SLC1A2: variants seen among roughly 807,000 people sequenced by gnomAD.
SLC1A2 encodes the protein excitatory amino acid transporter 2.
In SLC1A2, 15 loss-of-function variants were observed where a neutral mutation model predicts 48.8. The ratio of observed to expected loss-of-function variants is 0.31; its 90% confidence interval spans 0.21 to 0.47. The LOEUF is 0.47. SLC1A2 is among the 20% of genes least tolerant of loss of function. The pLI is 0.99. For synonymous variants in SLC1A2, 279 were observed against 272.6 expected, an observed-to-expected ratio of 1.02 and a Z score of -0.23; for missense variants, 502 against 730.5, an observed-to-expected ratio of 0.69 and a Z score of 3.61.
At chr11:35,419,756 C>G (rs1035502060), upstream of SLC1A2, 1 of 280,394 alleles carries the variant, frequency 3.6e-6, no homozygotes, top group Non-Finnish European at 7.7e-6. The surrounding 1 kb of genome is among the most constrained non-coding windows in gnomAD (Gnocchi z 5.4). Context: ...ATTGTTTCCC[C>G]TGAAGCCCGC....
intron 1 of SLC1A2, among the ~76,000 whole-genome samples, chr11:35,410,250 A>C (rs543190673): frequency 6.6e-6 from 1 of 152,358 alleles, no homozygotes; most frequent in South Asian, 2.1e-4. Flanking sequence ...TAATGTATCC[A>C]TTATTTTACA....
chr11:35,275,540 G>T (rs1488212331), intron 9 of SLC1A2, among the ~76,000 whole-genome samples: 3 of 152,158 alleles, frequency 2.0e-5, no homozygotes, highest in Non-Finnish European at 2.9e-5. Flanking sequence ...CCCATCCAGT[G>T]CTCTGGGACT....
At chr11:35,340,881 GC>G (rs1852814604) in intron 1 of SLC1A2, among the ~76,000 whole-genome samples, 1 of 152,134 alleles carries the variant, frequency 6.6e-6, no homozygotes. Flanking sequence ...CCCCCAGTGT[GC>G]CCCCTGGGAT....
chr11:35,303,457 G>A (rs72638197), intron 5 of SLC1A2, among the ~76,000 whole-genome samples: 32,887 of 152,082 alleles, frequency 0.22, 3,913 homozygotes, highest in Admixed American at 0.28. Context: ...CAGGACAGAG[G>A]GAACTAGTTC....
intron 8 of SLC1A2, 42 bp downstream of exon 8, chr11:35,286,715 A>C (rs1850832932): frequency 6.8e-7 from 1 of 1,468,572 alleles, no homozygotes; most frequent in African/African-American, 1.4e-5. Context: ...TGGAGGGGAA[A>C]CAGGGTAGAG....
intron 4 of SLC1A2, among the ~76,000 whole-genome samples, chr11:35,308,670 G>T (rs1851590000): frequency 6.6e-6 from 1 of 152,056 alleles, no homozygotes; most frequent in Non-Finnish European, 1.5e-5. Context: ...AGACCTCATG[G>T]CCTAATCACC....
rs539020938 is a variant in SLC1A2 at position 35,289,312 on chromosome 11, T to C, written c.1092-2361A>G. On this transcript the variant is annotated intron_variant, in intron 7 of 10. Coordinates refer to ENST00000278379, the MANE Select transcript of SLC1A2 (RefSeq NM_004171.4). ...TCCCTGGGTTTTACATTTTTTTTTT[T>C]CTTCTCTGTGACCATGATGGCAAAG... 7.9e-5 allele frequency among the ~76,000 whole-genome samples: 12 copies of C among 152,054 alleles called. 1 individual carries two copies. In the South Asian group the frequency reaches 2.5e-3, roughly 32 times the overall value.
intron 7 of SLC1A2, among the ~76,000 whole-genome samples, chr11:35,288,413 T>C (rs1221446129): frequency 1.3e-5 from 2 of 152,198 alleles, no homozygotes; most frequent in Non-Finnish European, 2.9e-5. Flanking sequence ...ATGCAGGGGA[T>C]GGCATCAGAC....
In SLC1A2 at chr11:35,380,700, T is replaced by C. The variant is rs772428477; in HGVS notation, c.17+38250A>G. On this transcript the variant is annotated intron_variant, in intron 1 of 10. Coordinates refer to ENST00000278379, the MANE Select transcript of SLC1A2 (RefSeq NM_004171.4). Reference sequence around the variant, plus strand: ...TAAAAGGGCTGCGTGAGTTGCTGATTCTCCCTATAGTGACAGCGCTAAGGC... The same window carrying C: ...TAAAAGGGCTGCGTGAGTTGCTGATCCTCCCTATAGTGACAGCGCTAAGGC... Among the ~76,000 whole-genome samples, 22 of 152,360 alleles carry C rather than the reference T, an allele frequency of 1.4e-4. 1 individual carries two copies. The highest frequency in any genetic ancestry group is 3.4e-3 in the Middle Eastern group (1 of 294).
chr11:35,366,245 A>G (rs1208785291), intron 1 of SLC1A2, among the ~76,000 whole-genome samples: 2 of 152,226 alleles, frequency 1.3e-5, no homozygotes, highest in African/African-American at 4.8e-5. Context: ...TTGGATAAAG[A>G]AATGTGAGCA....
At chr11:35,399,923 C>T (rs542493256) in intron 1 of SLC1A2, among the ~76,000 whole-genome samples, 24 of 152,292 alleles carry the variant, frequency 1.6e-4, no homozygotes, top group African/African-American at 5.5e-4. Context: ...AAAAAGCTCA[C>T]CAAATACAGA....
chr11:35,309,158 T>C (rs957282026), intron 4 of SLC1A2, among the ~76,000 whole-genome samples: 1 of 152,190 alleles, frequency 6.6e-6, no homozygotes, highest in Non-Finnish European at 1.5e-5. Flanking sequence ...CAGCCTATCA[T>C]CCTGCCTCTA....
chr11:35,281,234 G>A (rs1850624504), intron 8 of SLC1A2, among the ~76,000 whole-genome samples: 4 of 152,134 alleles, frequency 2.6e-5, no homozygotes, highest in Admixed American at 2.0e-4. Flanking sequence ...TCATGGACTG[G>A]AGCCTTATTC....
At chr11:35,354,387 G>C (rs970940434) in intron 1 of SLC1A2, among the ~76,000 whole-genome samples, 2 of 152,124 alleles carry the variant, frequency 1.3e-5, no homozygotes, top group Non-Finnish European at 2.9e-5. Context: ...TTGAAGCCTA[G>C]GAGTTCCAGG....
intron 6 of SLC1A2, among the ~76,000 whole-genome samples, chr11:35,297,050 G>A (rs1851197664): frequency 6.6e-6 from 1 of 152,046 alleles, no homozygotes; most frequent in Admixed American, 6.6e-5. Context: ...AAAAATGGAT[G>A]GATTGACAAA....
At chr11:35,314,260 G>T (rs1327181107) in intron 3 of SLC1A2, among the ~76,000 whole-genome samples, 1 of 152,134 alleles carries the variant, frequency 6.6e-6, no homozygotes, top group Non-Finnish European at 1.5e-5. Flanking sequence ...GAGTAACTTT[G>T]TTCTGAAAAA....
At chr11:35,382,786 A>G (rs1026911273) in intron 1 of SLC1A2, among the ~76,000 whole-genome samples, 1 of 149,804 alleles carries the variant, frequency 6.7e-6, no homozygotes, top group Non-Finnish European at 1.5e-5. Flanking sequence ...ACAGAGCGAG[A>G]CTCAGTCTCA....
chr11:35,322,135 T>C (rs1852092969), intron 1 of SLC1A2, among the ~76,000 whole-genome samples: 1 of 152,150 alleles, frequency 6.6e-6, no homozygotes, highest in South Asian at 2.1e-4. Context: ...CCTTCAGCCT[T>C]AGCCTCTCCA....
intron 4 of SLC1A2, among the ~76,000 whole-genome samples, chr11:35,308,165 A>T (rs1256654180): frequency 1.3e-5 from 2 of 152,218 alleles, no homozygotes; most frequent in African/African-American, 4.8e-5. Context: ...ATCAGGCAGG[A>T]GGCCAGCTGC....
Sources: gnomAD v4.1 joint callset for allele counts (sites outside exome capture counted in the v4.1 genomes callset) on GRCh38, gnomAD v4.1.1 for gene constraint, Gnocchi (gnomAD v3.1) non-coding constraint, MANE v1.5 for transcripts, NCBI Gene and HGNC (gene_info 2026-07-23, HGNC 2026-07-21) for gene names.